The following PHLPP1 variants were observed in gnomAD, a reference collection of about 807,000 sequenced individuals.
The protein encoded by PHLPP1 is PH domain and leucine rich repeat protein phosphatase 1, also known as PH domain leucine-rich repeat-containing protein phosphatase 1.
Under a neutral mutation model 117.2 loss-of-function variants are expected in PHLPP1, and 42 were observed. That is an observed-to-expected ratio of 0.36 (90% CI 0.28 to 0.46). The LOEUF is 0.46. Among genes scored for constraint, PHLPP1 ranks in the 20% least tolerant of loss-of-function variants. The pLI, the probability that PHLPP1 is intolerant of heterozygous loss-of-function variation, is 1.00. For missense variants in PHLPP1, 2,084 were observed against 2,241.9 expected, an observed-to-expected ratio of 0.93 and a Z score of 1.42; for synonymous variants, 1,042 against 970.7, an observed-to-expected ratio of 1.07 and a Z score of -1.37.
At chr18:62,787,723 A>G (rs550576742) in intron 1 of PHLPP1, among the ~76,000 whole-genome samples, 1 of 152,228 alleles carries the variant, frequency 6.6e-6, no homozygotes, top group East Asian at 1.9e-4. Context: ...TTGCCTTCAT[A>G]TTTCACTGGT....
chr18:62,855,434 G>T, intron 3 of PHLPP1, among the ~76,000 whole-genome samples: 1 of 152,254 alleles, frequency 6.6e-6, no homozygotes, highest in East Asian at 1.9e-4. Context: ...AACTCTTTGT[G>T]ATAGAGCCCT....
At chr18:62,727,670 C>T (rs1285045744) in intron 1 of PHLPP1, among the ~76,000 whole-genome samples, 1 of 149,810 alleles carries the variant, frequency 6.7e-6, no homozygotes, top group Non-Finnish European at 1.5e-5. Flanking sequence ...TTTTGCTTGT[C>T]TGTTTTAACT....
At chr18:62,847,009 C>T (rs1293150265) in intron 3 of PHLPP1, among the ~76,000 whole-genome samples, 2 of 152,140 alleles carry the variant, frequency 1.3e-5, no homozygotes, top group Admixed American at 6.6e-5. Context: ...AAAGTTATTT[C>T]AGTTTAGAAC....
At chr18:62,865,919 ATAAC>A (rs1274718749) in intron 4 of PHLPP1, among the ~76,000 whole-genome samples, 3 of 152,194 alleles carry the variant, frequency 2.0e-5, no homozygotes, top group African/African-American at 7.2e-5. Flanking sequence ...ATTAGGAAAA[ATAAC>A]TAACAGATAC....
chr18:62,755,139 A>G (rs1318198502), intron 1 of PHLPP1, among the ~76,000 whole-genome samples: 1 of 152,176 alleles, frequency 6.6e-6, no homozygotes, highest in Non-Finnish European at 1.5e-5. Context: ...AGGTTTAGAC[A>G]TTTTATGTTT....
chr18:62,963,607 G>C, intron 14 of PHLPP1, 135 bp downstream of exon 14: 1 of 616,700 alleles, frequency 1.6e-6, no homozygotes, highest in Non-Finnish European at 2.9e-6. Flanking sequence ...AGTTTCCCCA[G>C]AGTGAGGCTC....
At chr18:62,933,141 A>T (rs1014703963) in intron 10 of PHLPP1, among the ~76,000 whole-genome samples, 1 of 152,244 alleles carries the variant, frequency 6.6e-6, no homozygotes, top group Non-Finnish European at 1.5e-5. Flanking sequence ...AAAACATTCC[A>T]TGCTCGTGGA....
chr18:62,725,058 C>T (rs900260424), intron 1 of PHLPP1, among the ~76,000 whole-genome samples: 1 of 151,918 alleles, frequency 6.6e-6, no homozygotes, highest in Non-Finnish European at 1.5e-5. Context: ...AAAAATTTCC[C>T]TTTAAATATG....
chr18:62,866,736 C>G (rs1283674227), intron 4 of PHLPP1, among the ~76,000 whole-genome samples: 1 of 152,064 alleles, frequency 6.6e-6, no homozygotes, highest in Admixed American at 6.5e-5. Flanking sequence ...TGGGCATGAC[C>G]CACTTCAGGA....
intron 4 of PHLPP1, among the ~76,000 whole-genome samples, chr18:62,876,255 C>T (rs2144378904): frequency 6.6e-6 from 1 of 152,282 alleles, no homozygotes; most frequent in Admixed American, 6.5e-5. Flanking sequence ...TTACCATTCT[C>T]TAAACTCACT....
intron 1 of PHLPP1, among the ~76,000 whole-genome samples, chr18:62,745,055 G>C (rs1049804492): frequency 6.6e-6 from 1 of 152,142 alleles, no homozygotes; most frequent in African/African-American, 2.4e-5. Context: ...TTAAAACCTG[G>C]CATTTGGATA....
At chr18:62,870,896 C>T (rs771135481) in intron 4 of PHLPP1, among the ~76,000 whole-genome samples, 7 of 152,160 alleles carry the variant, frequency 4.6e-5, no homozygotes, top group Non-Finnish European at 1.0e-4. Flanking sequence ...GGCATTGGAA[C>T]TCTTCAAGTT....
intron 8 of PHLPP1, among the ~76,000 whole-genome samples, chr18:62,914,418 GTCCT>G (rs1325454345): frequency 2.6e-5 from 4 of 152,214 alleles, no homozygotes; most frequent in African/African-American, 9.6e-5. Flanking sequence ...ATGTAACTAT[GTCCT>G]TCCTTCTTTT....
chr18:62,887,222 C>T (rs775480412), intron 4 of PHLPP1, among the ~76,000 whole-genome samples: 19 of 152,138 alleles, frequency 1.2e-4, no homozygotes, highest in Middle Eastern at 6.8e-3. Flanking sequence ...GTAGTAATGA[C>T]GTCGAAAGGC....
At chr18:62,861,231 TCCCGAGTAGCTGGGATTACAGGCG>T (rs1176310404) in intron 4 of PHLPP1, among the ~76,000 whole-genome samples, 1 of 152,170 alleles carries the variant, frequency 6.6e-6, no homozygotes, top group Non-Finnish European at 1.5e-5. Context: ...TGCCTCAGCC[TCCCGAGTAGCTGGGATTACAGGCG>T]CCCACGCCCT....
chr18:62,882,864 A>G (rs1916201476), intron 4 of PHLPP1, among the ~76,000 whole-genome samples: 1 of 151,770 alleles, frequency 6.6e-6, no homozygotes, highest in African/African-American at 2.4e-5. Flanking sequence ...CCTAGTATAT[A>G]AAATTTATTT....
intron 11 of PHLPP1, among the ~76,000 whole-genome samples, chr18:62,942,553 C>A (rs1330044788): frequency 1.3e-5 from 2 of 152,060 alleles, no homozygotes; most frequent in South Asian, 4.2e-4. Context: ...CAAAATAGTC[C>A]ATTTTTAATT....
chr18:62,885,004 T>C (rs1916251356), intron 4 of PHLPP1, among the ~76,000 whole-genome samples: 1 of 152,232 alleles, frequency 6.6e-6, no homozygotes, highest in African/African-American at 2.4e-5. Flanking sequence ...GCTGTTTATT[T>C]GGTTTTATTT....
At chr18:62,920,162 C>G (rs1408698861) in intron 10 of PHLPP1, 48 bp downstream of exon 10, 1 of 1,524,886 alleles carries the variant, frequency 6.6e-7, no homozygotes, top group Admixed American at 1.7e-5. Context: ...AATATTCCCT[C>G]ATTTGTATCT....
Sources: gnomAD v4.1 joint callset for allele counts (sites outside exome capture counted in the v4.1 genomes callset) on GRCh38, gnomAD v4.1.1 for gene constraint, MANE v1.5 for transcripts, NCBI Gene and HGNC (gene_info 2026-07-23, HGNC 2026-07-21) for gene names.